The following ALOX5AP variants were observed in gnomAD, a reference collection of about 807,000 sequenced individuals.
ALOX5AP encodes the protein arachidonate 5-lipoxygenase activating protein, also known as arachidonate 5-lipoxygenase-activating protein.
A neutral mutation model predicts 18.5 loss-of-function variants in ALOX5AP; 9 were observed. The ratio of observed to expected loss-of-function variants is 0.49; its 90% CI spans 0.29 to 0.85. The LOEUF (loss-of-function observed/expected upper bound fraction) is 0.85. Ranked by LOEUF, ALOX5AP falls within the 40% of genes least tolerant of loss-of-function variation. ALOX5AP has a pLI of 0.08. For synonymous variants in ALOX5AP, 81 were observed against 78.6 expected (o/e 1.03, Z -0.16); for missense variants, 172 against 202.5 (o/e 0.85, Z 0.91).
intron 1 of ALOX5AP, among the ~76,000 whole-genome samples, chr13:30,736,795 C>A (rs1168153672): frequency 6.6e-6 from 1 of 152,210 alleles, no homozygotes; most frequent in Non-Finnish European, 1.5e-5. Context: ...CTAAATTACA[C>A]ACAACAAAGT....
intron 2 of ALOX5AP, among the ~76,000 whole-genome samples, chr13:30,747,470 G>A (rs1010421515): frequency 6.6e-6 from 1 of 152,196 alleles, no homozygotes; most frequent in East Asian, 1.9e-4. Flanking sequence ...ACCGTGCCTG[G>A]CCTGTTCACA....
At position 30,735,639 on chromosome 13, in the gene ALOX5AP, T is replaced by C. The variant is rs1951714749; in HGVS notation, c.34T>C (p.Leu12=). Residue 12 remains leucine, a synonymous_variant, in exon 1 of 5, where the codon TTG becomes CTG. Transcript: ENST00000380490. ...DQETVGNVVL[L]AIVTLISVVQ... is the part of the protein sequence containing the mutation. ...AGAAACTGTAGGCAATGTTGTCCTG[T>C]TGGCCATCGTCACCCTCATCAGCGT... The C allele has an allele frequency of 1.2e-6, 2 of 1,613,978 alleles. No individual in the cohort carries two copies. The highest frequency in any genetic ancestry group is 1.3e-5 in the African/African-American group (1 of 74,892).
intron 4 of ALOX5AP, 89 bp from the exon 5 acceptor site, chr13:30,763,855 C>T: frequency 8.0e-7 from 1 of 1,257,224 alleles, no homozygotes; most frequent in Non-Finnish European, 1.1e-6. Flanking sequence ...ATTTAAACCC[C>T]ATATATCTAA....
chr13:30,716,471 A>G (rs1006300838), intron 1 of ALOX5AP, among the ~76,000 whole-genome samples: 4 of 152,234 alleles, frequency 2.6e-5, no homozygotes, highest in African/African-American at 7.2e-5. Flanking sequence ...TAGAATCAGA[A>G]TCTGCATTTT....
intron 1 of ALOX5AP, among the ~76,000 whole-genome samples, chr13:30,741,804 A>C (rs1036350175): frequency 6.8e-6 from 1 of 145,996 alleles, no homozygotes; most frequent in African/African-American, 2.6e-5. Flanking sequence ...AAATCTGTAC[A>C]TGTTCAGTCC....
At position 30,764,134 on chromosome 13, in the gene ALOX5AP, C is replaced by T. The variant is rs753915648; in HGVS notation, c.*28C>T. On this transcript the variant is annotated 3_prime_UTR_variant, in exon 5 of 5. Transcript: ENST00000380490. ...CTCTGCTGAATATGGGGTTGGTGTT[C>T]TCATCTAATCAATACCTACAAGTCA... 2 of 1,603,308 alleles carry T rather than the reference C, an allele frequency of 1.2e-6. No individual in the cohort carries two copies. Among genetic ancestry groups the T allele is most frequent in the South Asian group, 2.2e-5 (2 of 89,826 alleles).
chr13:30,757,810 C>G (rs1364337120), intron 4 of ALOX5AP, among the ~76,000 whole-genome samples: 1 of 152,134 alleles, frequency 6.6e-6, no homozygotes, highest in Non-Finnish European at 1.5e-5. Context: ...AGGGAATGAA[C>G]AGAGGTGGCA....
At position 30,736,369 on chromosome 13, in the gene ALOX5AP, A is replaced by AAC. The variant is rs1566082984; in HGVS notation, c.70+695_70+696insCA. Among the ~76,000 whole-genome samples, 1,318 of 152,078 alleles carry AAC rather than the reference A, an allele frequency of 8.7e-3. 16 individuals are homozygous for AAC. Among genetic ancestry groups the AAC allele is most frequent in the African/African-American group, 0.03 (1,256 of 41,402 alleles). On this transcript the variant is annotated intron_variant, in intron 1 of 4. Coordinates refer to ENST00000380490, the MANE Select transcript of ALOX5AP (RefSeq NM_001629.4). ...TAGTTAAAAACAACAACAACAACAA[A>AAC]AAACAAGCAGGATACCTAGATCTGG...
At chr13:30,731,574 GC>G (rs143747805), upstream of ALOX5AP, among the ~76,000 whole-genome samples, 33 of 152,234 alleles carry the variant, frequency 2.2e-4, no homozygotes, top group East Asian at 6.2e-3. Context: ...TTGCTATGTT[GC>G]CCAGGCTGTT....
At chr13:30,728,076 T>C (rs528252908) in intron 1 of ALOX5AP, among the ~76,000 whole-genome samples, 1 of 152,312 alleles carries the variant, frequency 6.6e-6, no homozygotes, top group East Asian at 1.9e-4. Context: ...GAGGGCATAC[T>C]GGCTCAGGAT....
chr13:30,714,497 A>T (rs1951534120), intron 1 of ALOX5AP, among the ~76,000 whole-genome samples: 1 of 150,066 alleles, frequency 6.7e-6, no homozygotes, highest in Non-Finnish European at 1.5e-5. Flanking sequence ...GGGGGGCATC[A>T]TTCATTCTTT....
chr13:30,735,003 T>C (rs1951709076), upstream of ALOX5AP, among the ~76,000 whole-genome samples: 6 of 152,096 alleles, frequency 3.9e-5, no homozygotes, highest in Admixed American at 3.9e-4. Context: ...TCATTTTACA[T>C]TTGTGTGTGC....
chr13:30,758,216 T>C (rs17074984), intron 4 of ALOX5AP, among the ~76,000 whole-genome samples: 1 of 152,122 alleles, frequency 6.6e-6, no homozygotes, highest in Non-Finnish European at 1.5e-5. Flanking sequence ...CCAGAGGGGC[T>C]TTATGGTTAA....
chr13:30,719,123 G>A (rs1951573194), intron 1 of ALOX5AP, among the ~76,000 whole-genome samples: 1 of 152,110 alleles, frequency 6.6e-6, no homozygotes, highest in Admixed American at 6.6e-5. Context: ...GCAATGAAGG[G>A]AAAGGGACCT....
chr13:30,760,202 G>A (rs971866864), intron 4 of ALOX5AP, among the ~76,000 whole-genome samples: 2 of 151,256 alleles, frequency 1.3e-5, no homozygotes, highest in African/African-American at 4.9e-5. Flanking sequence ...AGAAGGGACT[G>A]TAATGTTTTC....
At chr13:30,747,771 G>C (rs1458217952) in intron 2 of ALOX5AP, among the ~76,000 whole-genome samples, 1 of 152,108 alleles carries the variant, frequency 6.6e-6, no homozygotes, top group African/African-American at 2.4e-5. Context: ...TTTTCTAAGA[G>C]GGGAATGTAT....
At chr13:30,732,440 CT>C (rs1951688977), upstream of ALOX5AP, among the ~76,000 whole-genome samples, 1 of 152,182 alleles carries the variant, frequency 6.6e-6, no homozygotes, top group Non-Finnish European at 1.5e-5. Flanking sequence ...AAATTTTAAT[CT>C]GGGGATTATA....
At chr13:30,716,758 G>A (rs546196875) in intron 1 of ALOX5AP, among the ~76,000 whole-genome samples, 22 of 152,324 alleles carry the variant, frequency 1.4e-4, no homozygotes, top group African/African-American at 5.1e-4. Flanking sequence ...ACCCTGAGTT[G>A]TGATAATTCG....
chr13:30,714,409 C>A (rs145730720), intron 1 of ALOX5AP, among the ~76,000 whole-genome samples: 1 of 151,942 alleles, frequency 6.6e-6, no homozygotes, highest in Non-Finnish European at 1.5e-5. Context: ...GGAGACCTGA[C>A]GGGTCGATGT....
Sources: allele counts gnomAD v4.1 joint callset (sites outside exome capture counted in the v4.1 genomes callset), GRCh38; gene constraint gnomAD v4.1.1; transcripts MANE v1.5; gene names NCBI Gene and HGNC (gene_info 2026-07-23, HGNC 2026-07-21).